CFTR: variants seen among roughly 807,000 people sequenced by gnomAD.
The protein encoded by CFTR is CF transmembrane conductance regulator.
Under a neutral mutation model 171.6 loss-of-function variants are expected in CFTR, and 181 were observed. The ratio of observed to expected loss-of-function variants is 1.05; its 90% CI spans 0.93 to 1.19. The LOEUF is 1.19. CFTR is among the 50% of genes most tolerant of loss of function. CFTR has a pLI of 0.00. For missense variants in CFTR, 1,968 were observed against 1,734.7 expected (o/e 1.13, Z -2.39); for synonymous variants, 583 against 608.0 (o/e 0.96, Z 0.60).
At position 117,568,388 on chromosome 7, in the gene CFTR, G is replaced by A. The variant is rs561294625; in HGVS notation, c.1584+8733G>A. On this transcript the variant is annotated intron_variant, in intron 11 of 26. Coordinates refer to ENST00000003084, the MANE Select transcript of CFTR (RefSeq NM_000492.4). ...ATGAAGTATGGAGTATTGGAGGAGC[G>A]GTAAGGCTGGTGGCAGGGAGATAAT... 6.0e-4 allele frequency among the ~76,000 whole-genome samples: 92 copies of A among 152,158 alleles called. 2 individuals are homozygous for A. In the South Asian group the frequency reaches 0.014, roughly 24 times the overall value.
intron 24 of CFTR, among the ~76,000 whole-genome samples, chr7:117,662,176 A>G (rs1455042871): frequency 6.6e-6 from 1 of 152,142 alleles, no homozygotes; most frequent in Admixed American, 6.5e-5. Context: ...GCCAGTGCTC[A>G]GTCATTCATT....
In CFTR at chr7:117,596,674, A is replaced by G. The variant is rs565658539; in HGVS notation, c.2619+1616A>G. ...TAGCTCAAGGTTTGTAAACACACCAATCAGCACCCTGTGTCTAGCTCAGGG... is the reference window on the plus strand; with the variant it reads ...TAGCTCAAGGTTTGTAAACACACCAGTCAGCACCCTGTGTCTAGCTCAGGG... On this transcript the variant is annotated intron_variant, in intron 15 of 26. Transcript: ENST00000003084. 2.6e-5 allele frequency among the ~76,000 whole-genome samples: 4 copies of G among 152,354 alleles called. No homozygotes were observed. The South Asian group carries it at 6.2e-4, about 24-fold the overall frequency.
chr7:117,524,740 A>G (rs1210228718), intron 3 of CFTR, among the ~76,000 whole-genome samples: 4 of 152,198 alleles, frequency 2.6e-5, no homozygotes, highest in Non-Finnish European at 4.4e-5. Context: ...GTGAAAAACA[A>G]CACAACTGCT....
intron 5 of CFTR, among the ~76,000 whole-genome samples, 197 bp downstream of exon 5, chr7:117,534,562 A>AT (rs1157350794): frequency 6.6e-6 from 1 of 152,182 alleles, no homozygotes; most frequent in Non-Finnish European, 1.5e-5. Flanking sequence ...CACCCAACTC[A>AT]AAGGCACCTT....
intron 19 of CFTR, among the ~76,000 whole-genome samples, chr7:117,610,877 C>T (rs368050201): frequency 1.3e-5 from 2 of 152,102 alleles, no homozygotes; most frequent in East Asian, 3.9e-4. Flanking sequence ...GACCATGTGA[C>T]TTCATTTTGG....
chr7:117,614,609 A>G lies in CFTR; in HGVS notation c.3368-4A>G, dbSNP rs748811222. On this transcript the variant is annotated splice_polypyrimidine_tract_variant and splice_region_variant and intron_variant, in intron 20 of 26. Transcript: ENST00000003084. The stretch of plus-strand genomic sequence containing the variant: ...GTTCATTTACGTCTTTTGTGCATCT[A>G]TAGGAGAAGGAGAAGGAAGAGTTGG... 5 of 1,593,254 alleles carry G rather than the reference A, an allele frequency of 3.1e-6. No homozygotes were observed. Among genetic ancestry groups the G allele is most frequent in the Non-Finnish European group, 3.4e-6 (4 of 1,161,264 alleles).
intron 3 of CFTR, among the ~76,000 whole-genome samples, chr7:117,520,666 C>G (rs1203979936): frequency 1.3e-5 from 2 of 151,854 alleles, no homozygotes; most frequent in Non-Finnish European, 3.0e-5. Context: ...ATTATTATGG[C>G]TTTATGATTT....
At chr7:117,570,750 A>G (rs1791676180) in intron 11 of CFTR, among the ~76,000 whole-genome samples, 1 of 152,202 alleles carries the variant, frequency 6.6e-6, no homozygotes, top group Admixed American at 6.5e-5. Flanking sequence ...AAAACTTCAT[A>G]CTAGTTAATT....
Position 117,651,729 on chromosome 7 carries a change from G to A in CFTR, c.3874-1113G>A, listed in dbSNP as rs566694042. On this transcript the variant is annotated intron_variant, in intron 23 of 26. Coordinates refer to ENST00000003084, the MANE Select transcript of CFTR (RefSeq NM_000492.4). The stretch of plus-strand genomic sequence containing the variant: ...TTCTTTAAGTCATCAGTTATGCCCC[G>A]GGGTATGAAATTTCTAACATGATCC... 5.7e-4 allele frequency among the ~76,000 whole-genome samples: 87 copies of A among 152,220 alleles called. 1 individual carries two copies. The highest frequency in any genetic ancestry group is 1.2e-3 in the Non-Finnish European group (79 of 68,012).
Position 117,570,291 on chromosome 7 carries a change from A to G in CFTR, c.1584+10636A>G, listed in dbSNP as rs181031172. Among the ~76,000 whole-genome samples, 72 of 152,254 alleles carry G rather than the reference A, an allele frequency of 4.7e-4. 1 individual carries two copies. In the Middle Eastern group the frequency reaches 0.01, roughly 22 times the overall value. ...TCCACTAACTTTCACGTGCCATGTA[A>G]CCAGCGAAATCCAATTATTTTACAG... On this transcript the variant is annotated intron_variant, in intron 11 of 26. Coordinates refer to ENST00000003084, the MANE Select transcript of CFTR (RefSeq NM_000492.4).
intron 24 of CFTR, among the ~76,000 whole-genome samples, chr7:117,662,633 T>C (rs903171351): frequency 4.3e-4 from 65 of 152,108 alleles, no homozygotes; most frequent in Non-Finnish European, 1.5e-4. Flanking sequence ...AAAACAGAAA[T>C]GATATGGTCA....
intron 14 of CFTR, among the ~76,000 whole-genome samples, chr7:117,594,188 C>T (rs1792082908): frequency 6.6e-6 from 1 of 152,140 alleles, no homozygotes; most frequent in Non-Finnish European, 1.5e-5. Flanking sequence ...AAATCCAGAT[C>T]TGTCTGACTC....
At chr7:117,651,232 A>G (rs1793085338) in intron 23 of CFTR, among the ~76,000 whole-genome samples, 1 of 152,216 alleles carries the variant, frequency 6.6e-6, no homozygotes. Context: ...CCTTACAATT[A>G]TCATTTCCTG....
At chr7:117,567,725 C>T (rs1308468097) in intron 11 of CFTR, among the ~76,000 whole-genome samples, 2 of 152,060 alleles carry the variant, frequency 1.3e-5, no homozygotes, top group Non-Finnish European at 2.9e-5. Context: ...CTTATGAGTG[C>T]AAACTTTGAA....
intron 24 of CFTR, among the ~76,000 whole-genome samples, chr7:117,656,222 T>C (rs1397934132): frequency 1.3e-5 from 2 of 152,114 alleles, no homozygotes; most frequent in Non-Finnish European, 2.9e-5. Context: ...CCTATCTGAG[T>C]TCTGAAGCTC....
At chr7:117,628,541 C>A (rs1187494314) in intron 22 of CFTR, among the ~76,000 whole-genome samples, 2 of 151,994 alleles carry the variant, frequency 1.3e-5, no homozygotes, top group Non-Finnish European at 2.9e-5. Context: ...GAATTGCAAA[C>A]TGAATTTTAA....
intron 11 of CFTR, among the ~76,000 whole-genome samples, chr7:117,568,621 G>A (rs1191179412): frequency 6.6e-6 from 1 of 151,870 alleles, no homozygotes; most frequent in Non-Finnish European, 1.5e-5. Flanking sequence ...AGGTATAATG[G>A]ACAACAATTG....
At chr7:117,550,566 TA>T (rs1402386653) in intron 10 of CFTR, among the ~76,000 whole-genome samples, 2 of 152,200 alleles carry the variant, frequency 1.3e-5, no homozygotes, top group African/African-American at 2.4e-5. Flanking sequence ...TGATACTAAA[TA>T]AGTTAGCAAT....
chr7:117,495,436 G>C (rs1798222369), intron 1 of CFTR, among the ~76,000 whole-genome samples: 1 of 152,130 alleles, frequency 6.6e-6, no homozygotes, highest in African/African-American at 2.4e-5. Flanking sequence ...TCAAGTGCTT[G>C]AGTCTTTGAA....
Sources: gnomAD v4.1 joint callset for allele counts (sites outside exome capture counted in the v4.1 genomes callset) on GRCh38, gnomAD v4.1.1 for gene constraint, MANE v1.5 for transcripts, NCBI Gene and HGNC (gene_info 2026-07-23, HGNC 2026-07-21) for gene names.